Variants in TTC7A observed in about 807,000 individuals in gnomAD.
TTC7A encodes tetratricopeptide repeat domain 7A, also known as tetratricopeptide repeat protein 7A.
TTC7A carries 110 observed loss-of-function variants against 103.7 expected under a neutral mutation model. The ratio of observed to expected loss-of-function variants is 1.06; its 90% CI spans 0.91 to 1.24. TTC7A has a LOEUF of 1.24. Ranked by LOEUF, TTC7A falls within the 50% of genes most tolerant of loss-of-function variation. The pLI, the probability that TTC7A is intolerant of heterozygous loss-of-function variation, is 0.00. For synonymous variants in TTC7A, 521 were observed against 467.9 expected (o/e 1.11, Z -1.47); for missense variants, 1,340 against 1,116.3 (o/e 1.20, Z -2.86).
rs760701452 is a variant in TTC7A, at chr2:47,060,760, C to T, written c.2153-9C>T. On this transcript the variant is annotated splice_polypyrimidine_tract_variant and intron_variant, in intron 18 of 19. Transcript: ENST00000319190. Reference sequence around the variant, plus strand: ...ACTCACACCTCCCACTGCCCTTCTGCTTTTGCAGCTGAGCTGTTCATGGAG... The same window carrying T: ...ACTCACACCTCCCACTGCCCTTCTGTTTTTGCAGCTGAGCTGTTCATGGAG... The T allele has an allele frequency of 2.5e-6, 4 of 1,589,002 alleles. No individual in the cohort carries two copies. The highest frequency in any genetic ancestry group is 3.4e-6 in the Non-Finnish European group (4 of 1,161,798).
intron 3 of TTC7A, among the ~76,000 whole-genome samples, chr2:46,957,317 TACCTG>T (rs1309335706): frequency 6.6e-6 from 1 of 152,252 alleles, no homozygotes; most frequent in Non-Finnish European, 1.5e-5. Flanking sequence ...ACGGTTGTAA[TACCTG>T]ACCTCCCAGG....
intron 18 of TTC7A, among the ~76,000 whole-genome samples, chr2:47,057,162 G>A (rs1183592060): frequency 1.3e-5 from 2 of 152,240 alleles, no homozygotes; most frequent in Non-Finnish European, 2.9e-5. Context: ...AGACTAGCAA[G>A]GGGCAGTGCA....
In TTC7A at chr2:47,002,667, C is replaced by T. The variant is rs555576834; in HGVS notation, c.1066-3255C>T. 8.5e-5 allele frequency among the ~76,000 whole-genome samples: 13 copies of T among 152,200 alleles called. No individual in the cohort carries two copies. The South Asian group carries it at 2.7e-3, about 32-fold the overall frequency. On this transcript the variant is annotated intron_variant, in intron 8 of 19. Transcript: ENST00000319190. ...CCTGGCCTCAGAGGCTAGCCCTGGCCCCTGAGCTGCACATTAATTCTGTTC... is the reference window on the plus strand; with the variant it reads ...CCTGGCCTCAGAGGCTAGCCCTGGCTCCTGAGCTGCACATTAATTCTGTTC...
rs963602999 is a variant in TTC7A at position 46,941,704 on chromosome 2, G to A, written c.163G>A (p.Ala55Thr). Reference protein sequence around the residue: ...GGNRRGSPSAAFTFPDTDDFG... With the variant: ...GGNRRGSPSATFTFPDTDDFG... Reference sequence around the variant, plus strand: ...TAACAGGCGAGGCAGCCCGAGCGCAGCGTTCACCTTTCCGGACACCGGTGA... The same window carrying A: ...TAACAGGCGAGGCAGCCCGAGCGCAACGTTCACCTTTCCGGACACCGGTGA... The change falls in exon 1 of 20, where the codon GCG (alanine) becomes ACG (threonine). Residue 55 changes from alanine (A) to threonine (T), a missense_variant. Coordinates refer to ENST00000319190, the MANE Select transcript of TTC7A (RefSeq NM_020458.4). This position sits in a 1 kb window ranked among gnomAD's most constrained non-coding sequence, Gnocchi z 4.2. The A allele has an allele frequency of 2.8e-5, 43 of 1,550,636 alleles. No individual in the cohort carries two copies. In the Middle Eastern group the frequency reaches 1.0e-3, roughly 37 times the overall value.
At chr2:47,065,180 G>A (rs565182635) in intron 19 of TTC7A, among the ~76,000 whole-genome samples, 8 of 152,300 alleles carry the variant, frequency 5.3e-5, no homozygotes, top group South Asian at 4.1e-4. Flanking sequence ...CCAGCTACTC[G>A]GGAATCTGAG....
At chr2:47,063,007 A>C (rs1291617174) in intron 19 of TTC7A, among the ~76,000 whole-genome samples, 3 of 152,246 alleles carry the variant, frequency 2.0e-5, no homozygotes, top group African/African-American at 7.2e-5. Flanking sequence ...ACATATGCAT[A>C]AAGAATAGCA....
At position 47,021,832 on chromosome 2, in the gene TTC7A, C is replaced by T. The variant is rs200669977; in HGVS notation, c.1393-30C>T. On this transcript the variant is annotated intron_variant, in intron 11 of 19. Coordinates refer to ENST00000319190, the MANE Select transcript of TTC7A (RefSeq NM_020458.4). ...CTGGTAGAGGAAACTCCAACCCCAC[C>T]TCCATGACCTCTGTCTCTCCTCTTT... The T allele has an allele frequency of 7.2e-5, 115 of 1,588,456 alleles. 1 individual carries two copies. The South Asian group carries it at 1.1e-3, about 15-fold the overall frequency.
intron 19 of TTC7A, among the ~76,000 whole-genome samples, chr2:47,070,169 T>G (rs1047033583): frequency 6.6e-6 from 1 of 152,232 alleles, no homozygotes; most frequent in Non-Finnish European, 1.5e-5. Flanking sequence ...TGGTGTGCAG[T>G]GGAATTCTGA....
At chr2:47,062,162 C>T (rs1683839059) in intron 19 of TTC7A, among the ~76,000 whole-genome samples, 1 of 152,218 alleles carries the variant, frequency 6.6e-6, no homozygotes, top group Admixed American at 6.5e-5. Flanking sequence ...ATAGTCTAGG[C>T]ACATACTCAG....
At chr2:47,037,592 G>T (rs1041980875) in intron 15 of TTC7A, among the ~76,000 whole-genome samples, 1 of 152,212 alleles carries the variant, frequency 6.6e-6, no homozygotes, top group East Asian at 1.9e-4. Context: ...CAGCTGATTG[G>T]CAGGACCGCC....
At chr2:47,049,885 C>A in intron 16 of TTC7A, 64 bp from the exon 17 acceptor site, 1 of 1,249,180 alleles carries the variant, frequency 8.0e-7, no homozygotes, top group Non-Finnish European at 1.2e-6. Context: ...GGCCCTCTAC[C>A]TCACTGGGCC....
At chr2:47,024,978 C>T (rs1006891196) in intron 14 of TTC7A, among the ~76,000 whole-genome samples, 3 of 152,200 alleles carry the variant, frequency 2.0e-5, no homozygotes, top group Non-Finnish European at 4.4e-5. Context: ...GGCGCCTCAG[C>T]CTGCAGGCTG....
Position 46,950,657 on chromosome 2 carries a change from G to C in TTC7A, c.348+131G>C, listed in dbSNP as rs564729025. 3.2e-6 allele frequency: 3 copies of C among 946,748 alleles called. No homozygotes were observed. In the Admixed American group the frequency reaches 8.2e-5, roughly 26 times the overall value. The allele number at this position is 946,748 out of a possible 1,614,324, so 58.6% of individuals were successfully genotyped here. ...CTTACAAGCTGCCCTTGCACTTACA[G>C]TAGCCACTGGCTGCACATGGCCCCT... On this transcript the variant is annotated intron_variant, in intron 2 of 19. Transcript: ENST00000319190.
chr2:47,037,730 G>A (rs1355086775), intron 15 of TTC7A, among the ~76,000 whole-genome samples: 2 of 152,192 alleles, frequency 1.3e-5, no homozygotes, highest in East Asian at 3.9e-4. Context: ...CCCTAAGAGG[G>A]ATAGAAACTC....
rs555007487 is a variant in TTC7A at position 47,022,088 on chromosome 2, T to A, written c.1510+109T>A. 5.2e-3 allele frequency: 3,787 copies of A among 728,718 alleles called. 10 individuals carry two copies. The highest frequency in any genetic ancestry group is 7.2e-3 in the Non-Finnish European group (3,092 of 430,328). 45.1% of individuals were successfully genotyped at this position (728,718 alleles called of 1,614,324 possible). A position where few individuals can be genotyped will look rare whatever the true frequency, so the allele number is the denominator to read the frequency against. ...CCCCTCCCCTCAGGCCATGCCTCCA[T>A]AGACACCATGCACTCCTCTGGGAGA... On this transcript the variant is annotated intron_variant, in intron 12 of 19. Transcript: ENST00000319190.
chr2:47,024,123 G>A (rs1365245845), intron 13 of TTC7A, among the ~76,000 whole-genome samples, 164 bp from the exon 14 acceptor site: 1 of 152,138 alleles, frequency 6.6e-6, no homozygotes, highest in Non-Finnish European at 1.5e-5. Context: ...GCCTTCCTTG[G>A]TCTTCATCTG....
intron 1 of TTC7A, among the ~76,000 whole-genome samples, chr2:46,948,217 C>T (rs562501840): frequency 1.2e-3 from 183 of 152,296 alleles, no homozygotes; most frequent in Admixed American, 2.1e-3. Flanking sequence ...GGGTGTGTTT[C>T]CCTCTTTAGG....
intron 15 of TTC7A, among the ~76,000 whole-genome samples, chr2:47,038,044 A>T (rs1286962614): frequency 6.6e-6 from 1 of 152,086 alleles, no homozygotes; most frequent in African/African-American, 2.4e-5. Flanking sequence ...TGAGATCAGG[A>T]GTTTGAGACC....
At chr2:46,942,278 T>C (rs989159227) in intron 1 of TTC7A, among the ~76,000 whole-genome samples, 1 of 152,142 alleles carries the variant, frequency 6.6e-6, no homozygotes, top group Non-Finnish European at 1.5e-5. Context: ...GTCGGTGGCT[T>C]TAGCAGTAGG....
Sources: allele counts gnomAD v4.1 joint callset (sites outside exome capture counted in the v4.1 genomes callset), GRCh38; gene constraint gnomAD v4.1.1; non-coding constraint Gnocchi (gnomAD v3.1); transcripts MANE v1.5; gene names NCBI Gene and HGNC (gene_info 2026-07-23, HGNC 2026-07-21).